CNTN6: variants seen among roughly 807,000 people sequenced by gnomAD.
CNTN6 encodes the protein contactin-6.
Under a neutral mutation model 122.8 loss-of-function variants are expected in CNTN6, and 137 were observed. That is an observed-to-expected ratio of 1.12 (90% CI 0.97 to 1.29). The LOEUF is 1.29. Among genes scored for constraint, CNTN6 ranks in the 50% most tolerant of loss-of-function variants. CNTN6 has a pLI of 0.00. For missense variants in CNTN6, 1,634 were observed against 1,223.4 expected (o/e 1.34, Z -5.01); for synonymous variants, 570 against 426.0 (o/e 1.34, Z -4.16).
chr3:1,293,302 T>A (rs1428912601), intron 5 of CNTN6, among the ~76,000 whole-genome samples: 2 of 152,084 alleles, frequency 1.3e-5, no homozygotes, highest in East Asian at 3.8e-4. Context: ...TTCCTTTAAG[T>A]ATGGTTCATG....
chr3:1,300,076 C>T (rs1336982811), intron 7 of CNTN6, among the ~76,000 whole-genome samples: 3 of 151,836 alleles, frequency 2.0e-5, no homozygotes, highest in African/African-American at 7.3e-5. Flanking sequence ...ACCCGGGTTC[C>T]CGCCATTCTC....
intron 2 of CNTN6, among the ~76,000 whole-genome samples, chr3:1,189,072 A>C (rs1192688625): frequency 1.3e-5 from 2 of 152,208 alleles, no homozygotes; most frequent in South Asian, 2.1e-4. Context: ...CAAAACAAAA[A>C]AAACAAGCTC....
intron 4 of CNTN6, among the ~76,000 whole-genome samples, chr3:1,242,239 C>T (rs912060888): frequency 6.6e-5 from 10 of 151,522 alleles, no homozygotes; most frequent in South Asian, 2.1e-4. Flanking sequence ...TAAGTGAAAG[C>T]AAAGAGAGGC....
chr3:1,319,823 ACAGAGAGC>A (rs1700593361), intron 7 of CNTN6, among the ~76,000 whole-genome samples: 2 of 92,860 alleles, frequency 2.2e-5, no homozygotes, highest in African/African-American at 1.1e-4. Flanking sequence ...CCAGAAATAA[ACAGAGAGC>A]AGAAAATAAA....
chr3:1,112,331 A>T (rs2091519520), intron 1 of CNTN6, among the ~76,000 whole-genome samples: 1 of 152,168 alleles, frequency 6.6e-6, no homozygotes, highest in South Asian at 2.1e-4. Flanking sequence ...ATGCAGACTG[A>T]AAAGTCCCAG....
At chr3:1,346,026 T>A (rs544038491) in intron 11 of CNTN6, among the ~76,000 whole-genome samples, 23 of 152,122 alleles carry the variant, frequency 1.5e-4, no homozygotes, top group African/African-American at 5.5e-4. Flanking sequence ...TTTCTAATCC[T>A]CTTTGTCCTC....
chr3:1,103,012 A>G (rs34921583), intron 1 of CNTN6, among the ~76,000 whole-genome samples: 12,594 of 151,014 alleles, frequency 0.083, 1,600 homozygotes, highest in African/African-American at 0.28. Flanking sequence ...AGGCTGAGGC[A>G]GGAGAATGGC....
At chr3:1,325,109 T>A (rs964787680) in intron 8 of CNTN6, among the ~76,000 whole-genome samples, 3 of 151,838 alleles carry the variant, frequency 2.0e-5, no homozygotes, top group African/African-American at 7.3e-5. Flanking sequence ...TTTCCATGAA[T>A]GATGGTAAAA....
Position 1,365,277 on chromosome 3 carries a change from T to C in CNTN6, c.1493-7022T>C, listed in dbSNP as rs548238439. 6.6e-5 allele frequency among the ~76,000 whole-genome samples: 10 copies of C among 152,132 alleles called. No homozygotes were observed. In the East Asian group the frequency reaches 1.9e-3, roughly 29 times the overall value. On this transcript the variant is annotated intron_variant, in intron 12 of 22. Coordinates refer to ENST00000446702, the MANE Select transcript of CNTN6 (RefSeq NM_001289080.2). ...ACCTCAATAATTTCACCCACAAATATATCAGAATGTATCTTTAAAAGATTA... is the reference window on the plus strand; with the variant it reads ...ACCTCAATAATTTCACCCACAAATACATCAGAATGTATCTTTAAAAGATTA...
intron 4 of CNTN6, among the ~76,000 whole-genome samples, chr3:1,246,176 C>G (rs1007660092): frequency 4.6e-5 from 7 of 152,114 alleles, no homozygotes; most frequent in Non-Finnish European, 7.4e-5. Flanking sequence ...CCCAGAAGGT[C>G]CGCCCATTAT....
At chr3:1,297,851 T>A in intron 6 of CNTN6, 38 bp from the exon 7 acceptor site, 1 of 1,507,082 alleles carries the variant, frequency 6.6e-7, no homozygotes, top group Non-Finnish European at 9.2e-7. Flanking sequence ...AAACTTCTAT[T>A]CTCCAGAAAT....
chr3:1,124,995 C>A (rs2092108041), intron 1 of CNTN6, among the ~76,000 whole-genome samples: 2 of 151,736 alleles, frequency 1.3e-5, no homozygotes, highest in Non-Finnish European at 2.9e-5. Context: ...ACAAAGTAGT[C>A]ATTTTGTTAT....
intron 1 of CNTN6, among the ~76,000 whole-genome samples, chr3:1,099,595 A>G (rs1403841883): frequency 1.3e-5 from 2 of 152,170 alleles, no homozygotes; most frequent in Non-Finnish European, 2.9e-5. Flanking sequence ...TTCTATTATC[A>G]CATACATTGA....
intron 19 of CNTN6, among the ~76,000 whole-genome samples, 185 bp from the exon 20 acceptor site, chr3:1,385,426 C>G (rs1280379366): frequency 6.6e-6 from 1 of 152,018 alleles, no homozygotes. Context: ...GACTTTTTTC[C>G]TCATAAATAT....
chr3:1,378,147 T>A (rs1710152793), intron 17 of CNTN6, among the ~76,000 whole-genome samples: 1 of 152,104 alleles, frequency 6.6e-6, no homozygotes, highest in Admixed American at 6.6e-5. Context: ...ATGACCCACT[T>A]GCATGGGTTT....
At chr3:1,128,910 A>G (rs1179530223) in intron 1 of CNTN6, among the ~76,000 whole-genome samples, 1 of 152,008 alleles carries the variant, frequency 6.6e-6, no homozygotes, top group Non-Finnish European at 1.5e-5. Flanking sequence ...ACCATTTTGG[A>G]TAGGTAACTT....
At chr3:1,391,235 C>A (rs1694094033) in intron 20 of CNTN6, among the ~76,000 whole-genome samples, 1 of 111,408 alleles carries the variant, frequency 9.0e-6, no homozygotes, top group Non-Finnish European at 1.8e-5. Context: ...CCCTGGGATG[C>A]AAGGCTGGTT....
At chr3:1,280,326 C>T (rs909419644) in intron 5 of CNTN6, among the ~76,000 whole-genome samples, 12 of 152,014 alleles carry the variant, frequency 7.9e-5, no homozygotes, top group African/African-American at 2.4e-4. Context: ...GTGTGAGGCC[C>T]TCATTGTAAC....
intron 2 of CNTN6, among the ~76,000 whole-genome samples, chr3:1,167,667 A>G (rs1420111874): frequency 6.6e-6 from 1 of 152,098 alleles, no homozygotes; most frequent in Non-Finnish European, 1.5e-5. Context: ...AGATGGGGAA[A>G]ATGAGGGAAG....
Sources: gnomAD v4.1 joint callset for allele counts (sites outside exome capture counted in the v4.1 genomes callset) on GRCh38, gnomAD v4.1.1 for gene constraint, MANE v1.5 for transcripts, NCBI Gene and HGNC (gene_info 2026-07-23, HGNC 2026-07-21) for gene names.